The following CPS1 variants were observed in gnomAD, a reference collection of about 807,000 sequenced individuals.
CPS1 encodes carbamoyl-phosphate synthase [ammonia], mitochondrial.
CPS1 carries 109 observed loss-of-function variants against 174.6 expected under a neutral mutation model. The observed-to-expected ratio is 0.62, with a 90% CI of 0.53 to 0.73. The LOEUF is 0.73. Ranked by LOEUF, CPS1 falls within the 30% of genes least tolerant of loss-of-function variation. The pLI is 0.00. For synonymous variants in CPS1, 637 were observed against 632.0 expected, an observed-to-expected ratio of 1.01 and a Z score of -0.12; for missense variants, 1,689 against 1,821.9, an observed-to-expected ratio of 0.93 and a Z score of 1.33.
At chr2:210,610,728 T>TG (rs1203941497) in intron 19 of CPS1, among the ~76,000 whole-genome samples, 3 of 151,826 alleles carry the variant, frequency 2.0e-5, no homozygotes, top group African/African-American at 7.2e-5. Context: ...CACTCCAGCC[T>TG]GGGTAACAGA....
chr2:210,594,441 A>G (rs1698414767), intron 11 of CPS1, 67 bp from the exon 12 acceptor site: 6 of 1,030,170 alleles, frequency 5.8e-6, no homozygotes, highest in Admixed American at 3.6e-5. Flanking sequence ...AACTGGGTAT[A>G]TTGTGTTTTA....
At chr2:210,488,749 A>T (rs1004835106) in intron 1 of CPS1, among the ~76,000 whole-genome samples, 3 of 152,212 alleles carry the variant, frequency 2.0e-5, no homozygotes, top group African/African-American at 7.2e-5. Flanking sequence ...ATTGTGGGTT[A>T]AAAAACTATG....
intron 24 of CPS1, among the ~76,000 whole-genome samples, chr2:210,641,707 C>T (rs1700232571): frequency 6.6e-6 from 1 of 152,212 alleles, no homozygotes; most frequent in Non-Finnish European, 1.5e-5. Flanking sequence ...CCAAAGAAGA[C>T]TAGTCAAGCT....
chr2:210,606,955 A>G lies in CPS1; in HGVS notation c.2192+14A>G, dbSNP rs371446804. The G allele has an allele frequency of 6.2e-7, 1 of 1,606,492 alleles. No homozygotes were observed. The highest frequency in any genetic ancestry group is 8.5e-7 in the Non-Finnish European group (1 of 1,174,504). ...AAAAGCCACTGGGTAAGACCAGAAT[A>G]ATTGACCATGGGTTTGCAGATTCTT... On this transcript the variant is annotated intron_variant, in intron 18 of 37. Transcript: ENST00000233072.
chr2:210,674,967 T>C lies in CPS1; in HGVS notation c.4161+6T>C. 3.1e-6 allele frequency: 5 copies of C among 1,605,812 alleles called. No individual in the cohort carries two copies. Among genetic ancestry groups the C allele is most frequent in the Non-Finnish European group, 4.3e-6 (5 of 1,172,462 alleles). ...TACACAATGAAGGTTTCAAGGTATG[T>C]TCATTAGTTTTAAGTTGTTTTCTGT... is the stretch of plus-strand genomic sequence containing the variant. On this transcript the variant is annotated splice_donor_region_variant and intron_variant, in intron 35 of 37. Coordinates refer to ENST00000233072, the MANE Select transcript of CPS1 (RefSeq NM_001875.5).
chr2:210,497,473 G>A (rs1032092328), intron 1 of CPS1, among the ~76,000 whole-genome samples: 1 of 151,866 alleles, frequency 6.6e-6, no homozygotes, highest in African/African-American at 2.4e-5. Context: ...CCGAGGTTTG[G>A]GATACAAATG....
chr2:210,479,951 G>T (rs776378934), intron 1 of CPS1, among the ~76,000 whole-genome samples: 1 of 152,150 alleles, frequency 6.6e-6, no homozygotes, highest in East Asian at 1.9e-4. Context: ...ACTATATTCT[G>T]AGGGCATTTT....
chr2:210,531,371 G>A (rs1372044311), intron 1 of CPS1, among the ~76,000 whole-genome samples: 2 of 152,132 alleles, frequency 1.3e-5, no homozygotes, highest in Non-Finnish European at 2.9e-5. Flanking sequence ...CAATTGTCAA[G>A]TGATTTACTA....
At chr2:210,677,508 T>A (rs1020508448) in intron 37 of CPS1, among the ~76,000 whole-genome samples, 4 of 152,264 alleles carry the variant, frequency 2.6e-5, no homozygotes, top group Non-Finnish European at 5.9e-5. Context: ...CACAAGTGCT[T>A]GTTCAATTCA....
intron 30 of CPS1, among the ~76,000 whole-genome samples, chr2:210,657,836 C>T (rs1700769057): frequency 6.6e-6 from 1 of 152,172 alleles, no homozygotes; most frequent in Non-Finnish European, 1.5e-5. Flanking sequence ...AGAAAAAAGT[C>T]CTTGGATCTC....
chr2:210,671,147 C>G (rs1415817685), intron 34 of CPS1, among the ~76,000 whole-genome samples: 1 of 152,148 alleles, frequency 6.6e-6, no homozygotes, highest in Non-Finnish European at 1.5e-5. Context: ...ATGATTTACT[C>G]TAGAGTAGAT....
rs1237628982 is a variant in CPS1 at position 210,608,476 on chromosome 2, G to A, written c.2308G>A (p.Val770Ile). 6.2e-7 allele frequency: 1 copy of A among 1,612,394 alleles called. No homozygotes were observed. The highest frequency in any genetic ancestry group is 1.7e-5 in the Admixed American group (1 of 59,850). Residue 770 changes from valine (V) to isoleucine (I), a missense_variant, in exon 19 of 38, where the codon GTC (valine) becomes ATC (isoleucine). Physicochemically the swap from Val to Ile is conservative, Grantham distance 29. Coordinates refer to ENST00000233072, the MANE Select transcript of CPS1 (RefSeq NM_001875.5). ...ACFEPSLDYM[V>I]TKIPRWDLDR... ...TTTTGAACCTAGCCTGGATTACATG[G>A]TCACCAAGATTCCCCGCTGGGATCT...
Position 210,628,458 on chromosome 2 carries a change from G to C in CPS1, c.2688-9244G>C, listed in dbSNP as rs1362250087. 2.0e-5 allele frequency among the ~76,000 whole-genome samples: 3 copies of C among 151,806 alleles called. No homozygotes were observed. The East Asian group carries it at 5.8e-4, about 29-fold the overall frequency. ...AAATGGCTTACATTTTTTCCTTCAA[G>C]AACTAGAAAAATGTAGTCAAAAATT... On this transcript the variant is annotated intron_variant, in intron 21 of 37. Transcript: ENST00000233072.
chr2:210,532,490 A>G (rs1696141253), intron 1 of CPS1, among the ~76,000 whole-genome samples: 1 of 152,162 alleles, frequency 6.6e-6, no homozygotes, highest in Non-Finnish European at 1.5e-5. Context: ...CTGTTTCTCT[A>G]CTGTATCCTC....
At chr2:210,502,244 T>C (rs1695158175) in intron 1 of CPS1, among the ~76,000 whole-genome samples, 1 of 151,900 alleles carries the variant, frequency 6.6e-6, no homozygotes, top group Non-Finnish European at 1.5e-5. Flanking sequence ...ATATTACCAA[T>C]TTTCCTTCTC....
chr2:210,613,012 A>AAGGCTT (rs1699181864), intron 20 of CPS1, among the ~76,000 whole-genome samples: 1 of 151,970 alleles, frequency 6.6e-6, no homozygotes, highest in East Asian at 1.9e-4. Context: ...AAATCCCTGA[A>AAGGCTT]AGGCTTTTTG....
At chr2:210,540,592 A>G (rs1559067974) in intron 1 of CPS1, among the ~76,000 whole-genome samples, 3 of 152,152 alleles carry the variant, frequency 2.0e-5, no homozygotes, top group African/African-American at 7.2e-5. Flanking sequence ...CTAACACCAG[A>G]TATTTTGCGT....
rs558030189 is a variant in CPS1, at chr2:210,518,891, C to T, written c.4-37828C>T. 7.9e-5 allele frequency among the ~76,000 whole-genome samples: 12 copies of T among 152,096 alleles called. No homozygotes were observed. In the East Asian group the frequency reaches 2.1e-3, roughly 27 times the overall value. On this transcript the variant is annotated intron_variant, in intron 1 of 38. Coordinates refer to the CPS1 transcript ENST00000430249. ...AAATCTAAATTTACCAAATTCAGCT[C>T]ATTATCTTAACCTCAAAATTTTCTC... is the stretch of plus-strand genomic sequence containing the variant.
intron 33 of CPS1, among the ~76,000 whole-genome samples, chr2:210,664,318 A>C (rs1001251385): frequency 1.3e-5 from 2 of 151,604 alleles, no homozygotes; most frequent in African/African-American, 2.4e-5. Flanking sequence ...ATTTTCCTTC[A>C]TACTGTTTTA....
Sources: gnomAD v4.1 joint callset for allele counts (sites outside exome capture counted in the v4.1 genomes callset) on GRCh38, gnomAD v4.1.1 for gene constraint, MANE v1.5 for transcripts, NCBI Gene and HGNC (gene_info 2026-07-23, HGNC 2026-07-21) for gene names.